The following PRKAR2A variants were observed in gnomAD, a reference collection of about 807,000 sequenced individuals.
The protein encoded by PRKAR2A is protein kinase cAMP-dependent type II regulatory subunit alpha.
Under a neutral mutation model 51.9 loss-of-function variants are expected in PRKAR2A, and 29 were observed. The observed-to-expected ratio is 0.56, with a 90% confidence interval of 0.42 to 0.76. PRKAR2A has a LOEUF of 0.76. Ranked by LOEUF, PRKAR2A falls within the 30% of genes least tolerant of loss-of-function variation. The pLI, the probability that PRKAR2A is intolerant of heterozygous loss-of-function variation, is 0.00. For synonymous variants in PRKAR2A, 178 were observed against 186.2 expected, an observed-to-expected ratio of 0.96 and a Z score of 0.36; for missense variants, 445 against 512.1, an observed-to-expected ratio of 0.87 and a Z score of 1.26.
chr3:48,751,818 G>A lies in PRKAR2A; in HGVS notation c.1082-100C>T, dbSNP rs111253454. 6.3e-4 allele frequency: 872 copies of A among 1,377,632 alleles called. 7 individuals carry two copies. In the African/African-American group the frequency reaches 9.3e-3, roughly 15 times the overall value. 85.3% of individuals were successfully genotyped at this position (1,377,632 alleles called of 1,614,324 possible). On this transcript the variant is annotated intron_variant, in intron 10 of 10. Coordinates refer to ENST00000265563, the MANE Select transcript of PRKAR2A (RefSeq NM_004157.4). ...ACCCATTCATGTTGTATGAGATTAC[G>A]CCTTGGGACACCAGCCACTTGCAAA...
Position 48,847,257 on chromosome 3 carries a change from G to C in PRKAR2A, c.262+78C>G. The stretch of plus-strand genomic sequence containing the variant: ...CCTGCGGTCGGCTTGGCTGCGGCGC[G>C]ACACCTGGCTCCCTGCCACCCCTCT... On this transcript the variant is annotated intron_variant, in intron 1 of 10. Transcript: ENST00000265563. The surrounding 1 kb of genome is among the most constrained non-coding windows in gnomAD (Gnocchi z 4.4). The C allele has an allele frequency of 1.3e-6, 2 of 1,512,640 alleles. No individual in the cohort carries two copies. Among genetic ancestry groups the C allele is most frequent in the Non-Finnish European group, 1.8e-6 (2 of 1,122,192 alleles). The allele number at this position is 1,512,640 out of a possible 1,614,324, so 93.7% of individuals were successfully genotyped here.
At chr3:48,820,886 T>C (rs559173132) in intron 1 of PRKAR2A, among the ~76,000 whole-genome samples, 17 of 152,280 alleles carry the variant, frequency 1.1e-4, no homozygotes, top group Non-Finnish European at 1.9e-4. Context: ...ATTCCCAATG[T>C]TGGCTAAATG....
intron 2 of PRKAR2A, among the ~76,000 whole-genome samples, chr3:48,797,630 T>C (rs1239109289): frequency 6.6e-6 from 1 of 152,212 alleles, no homozygotes; most frequent in African/African-American, 2.4e-5. Flanking sequence ...ACTTGTGCAG[T>C]AATGCCATCG....
intron 8 of PRKAR2A, among the ~76,000 whole-genome samples, chr3:48,762,319 T>C (rs1302466524): frequency 1.3e-5 from 2 of 152,196 alleles, no homozygotes; most frequent in Non-Finnish European, 2.9e-5. Flanking sequence ...GGAATTTTCA[T>C]ACATGGCTGG....
intron 2 of PRKAR2A, among the ~76,000 whole-genome samples, chr3:48,798,696 C>T (rs895704657): frequency 4.7e-5 from 7 of 150,156 alleles, no homozygotes; most frequent in Non-Finnish European, 1.0e-4. Flanking sequence ...TCTCACACTC[C>T]GTCACCCATG....
At chr3:48,827,775 T>C (rs1205393640) in intron 1 of PRKAR2A, among the ~76,000 whole-genome samples, 1 of 152,230 alleles carries the variant, frequency 6.6e-6, no homozygotes, top group African/African-American at 2.4e-5. Flanking sequence ...TTATAAACAC[T>C]GTATCCTTAG....
intron 1 of PRKAR2A, among the ~76,000 whole-genome samples, chr3:48,842,153 G>GT (rs1489956635): frequency 1.3e-5 from 2 of 152,042 alleles, no homozygotes; most frequent in Non-Finnish European, 2.9e-5. Context: ...GGATTCCTAG[G>GT]TATTTTATTC....
chr3:48,776,240 C>T (rs2082103060), intron 5 of PRKAR2A, among the ~76,000 whole-genome samples: 2 of 152,098 alleles, frequency 1.3e-5, no homozygotes, highest in Non-Finnish European at 2.9e-5. Context: ...CTGAGGGAAA[C>T]ATAAACTTTT....
intron 1 of PRKAR2A, among the ~76,000 whole-genome samples, chr3:48,833,710 CAA>C (rs749720008): frequency 2.7e-4 from 24 of 88,442 alleles, no homozygotes; most frequent in Admixed American, 2.6e-4. Context: ...GACTTGGTCT[CAA>C]AAAAAAAAAA....
At chr3:48,824,976 C>T (rs1417388279) in intron 1 of PRKAR2A, among the ~76,000 whole-genome samples, 1 of 150,680 alleles carries the variant, frequency 6.6e-6, no homozygotes, top group Non-Finnish European at 1.5e-5. Context: ...AGGCAATGAA[C>T]TCAAACATAT....
chr3:48,756,253 G>T, intron 9 of PRKAR2A, 126 bp downstream of exon 9: 2 of 759,580 alleles, frequency 2.6e-6, no homozygotes, highest in Non-Finnish European at 4.5e-6. Flanking sequence ...GCTTAAACAT[G>T]GGTCTTTGCC....
chr3:48,787,182 TTATTTATG>T (rs1287408007), intron 4 of PRKAR2A, among the ~76,000 whole-genome samples: 102 of 80,388 alleles, frequency 1.3e-3, no homozygotes, highest in East Asian at 7.9e-3. Context: ...ATTTATTTAT[TTATTTATG>T]TATTTATTTA....
At chr3:48,818,769 T>A (rs886305674) in intron 1 of PRKAR2A, among the ~76,000 whole-genome samples, 2 of 151,932 alleles carry the variant, frequency 1.3e-5, no homozygotes, top group South Asian at 4.2e-4. Context: ...AACTTAAACT[T>A]CTCTGAGCCT....
At chr3:48,837,878 C>T (rs1010008107) in intron 1 of PRKAR2A, among the ~76,000 whole-genome samples, 1 of 151,768 alleles carries the variant, frequency 6.6e-6, no homozygotes, top group Non-Finnish European at 1.5e-5. Flanking sequence ...TAAGTGCCAG[C>T]GGCAAAAGAC....
Position 48,765,085 on chromosome 3 carries a change from C to G in PRKAR2A, c.799-7G>C, listed in dbSNP as rs2081920816. The G allele has an allele frequency of 1.2e-6, 2 of 1,613,240 alleles. No individual in the cohort carries two copies. Among genetic ancestry groups the G allele is most frequent in the Non-Finnish European group, 1.7e-6 (2 of 1,179,256 alleles). ...TCTTCATTCGTTCTGACACCTGAAA[C>G]AACAAATTCACAAATAAAAGGAAAA... On this transcript the variant is annotated splice_polypyrimidine_tract_variant and splice_region_variant and intron_variant, in intron 7 of 10. Coordinates refer to ENST00000265563, the MANE Select transcript of PRKAR2A (RefSeq NM_004157.4).
chr3:48,758,993 G>A (rs2081820032), intron 8 of PRKAR2A, among the ~76,000 whole-genome samples: 1 of 152,144 alleles, frequency 6.6e-6, no homozygotes, highest in Non-Finnish European at 1.5e-5. Flanking sequence ...ACCAAATGAA[G>A]GACAGTGAAA....
At chr3:48,827,340 GAAA>G (rs34473962) in intron 1 of PRKAR2A, among the ~76,000 whole-genome samples, 1 of 121,394 alleles carries the variant, frequency 8.2e-6, no homozygotes, top group Non-Finnish European at 1.8e-5. Flanking sequence ...AGTTTAAGAT[GAAA>G]AAAAAAAAAA....
At chr3:48,753,177 C>T (rs548153574) in intron 9 of PRKAR2A, among the ~76,000 whole-genome samples, 1 of 151,650 alleles carries the variant, frequency 6.6e-6, no homozygotes, top group Admixed American at 6.6e-5. Flanking sequence ...TCATAATCTG[C>T]CCGCCTCGGC....
intron 1 of PRKAR2A, among the ~76,000 whole-genome samples, chr3:48,829,861 ATATATATATATTTT>A (rs2083154477): frequency 2.4e-5 from 2 of 82,562 alleles, no homozygotes. Context: ...ATATATATAT[ATATATATATATTTT>A]TTTTTTTTTT....
Sources: gnomAD v4.1 joint callset for allele counts (sites outside exome capture counted in the v4.1 genomes callset) on GRCh38, gnomAD v4.1.1 for gene constraint, Gnocchi (gnomAD v3.1) non-coding constraint, MANE v1.5 for transcripts, NCBI Gene and HGNC (gene_info 2026-07-23, HGNC 2026-07-21) for gene names.